The following FAM114A1 variants were observed in gnomAD, a reference collection of about 807,000 sequenced individuals.
FAM114A1 encodes family with sequence similarity 114 member A1, also known as protein NOXP20.
FAM114A1 carries 62 observed loss-of-function variants against 64.3 expected under a neutral mutation model. That is an observed-to-expected ratio of 0.96 (90% CI 0.79 to 1.19). FAM114A1 has a LOEUF of 1.19. Among genes scored for constraint, FAM114A1 ranks in the 50% most tolerant of loss-of-function variants. The pLI is 0.00. For missense variants in FAM114A1, 645 were observed against 676.3 expected, an observed-to-expected ratio of 0.95 and a Z score of 0.51; for synonymous variants, 254 against 251.1, an observed-to-expected ratio of 1.01 and a Z score of -0.11.
At chr4:38,900,288 T>G (rs763928457) in intron 4 of FAM114A1, among the ~76,000 whole-genome samples, 1 of 151,562 alleles carries the variant, frequency 6.6e-6, no homozygotes, top group African/African-American at 2.4e-5. Flanking sequence ...CCTTGTGTGC[T>G]CTTGGTGGGG....
intron 12 of FAM114A1, among the ~76,000 whole-genome samples, chr4:38,932,978 C>T (rs542296475): frequency 2.6e-5 from 4 of 151,988 alleles, no homozygotes; most frequent in South Asian, 2.1e-4. Flanking sequence ...CTCAGCCTCC[C>T]GAGTAGCTGG....
At chr4:38,893,071 A>G (rs1716549822) in intron 4 of FAM114A1, among the ~76,000 whole-genome samples, 2 of 152,254 alleles carry the variant, frequency 1.3e-5, no homozygotes, top group Admixed American at 1.3e-4. Context: ...CCACATATGC[A>G]GATGACAAAT....
intron 13 of FAM114A1, among the ~76,000 whole-genome samples, chr4:38,940,665 T>C (rs1721515029): frequency 6.6e-6 from 1 of 152,160 alleles, no homozygotes. Flanking sequence ...GTGAAAAAGG[T>C]CTCGGTTTCA....
chr4:38,925,497 AT>A (rs1248782615), intron 9 of FAM114A1, among the ~76,000 whole-genome samples: 1 of 152,148 alleles, frequency 6.6e-6, no homozygotes, highest in African/African-American at 2.4e-5. Flanking sequence ...ATTTTCATCC[AT>A]TTTTTTCCTT....
chr4:38,901,423 G>T (rs1442986926), intron 4 of FAM114A1, among the ~76,000 whole-genome samples: 1 of 152,180 alleles, frequency 6.6e-6, no homozygotes, highest in Non-Finnish European at 1.5e-5. Flanking sequence ...AAGTAGCTGG[G>T]ATTACAGGCG....
intron 13 of FAM114A1, among the ~76,000 whole-genome samples, chr4:38,939,886 C>CTTTTTTTT (rs545845095): frequency 2.3e-5 from 3 of 131,666 alleles, no homozygotes; most frequent in Non-Finnish European, 3.2e-5. Context: ...CACTTTCTTT[C>CTTTTTTTT]TTTTTTTTTT....
At chr4:38,868,734 G>A (rs1713718004) in intron 2 of FAM114A1, among the ~76,000 whole-genome samples, 188 bp downstream of exon 2, 2 of 152,150 alleles carry the variant, frequency 1.3e-5, no homozygotes, top group Admixed American at 6.5e-5. Context: ...AACTCCCTGT[G>A]ACCTCAGCCA....
intron 12 of FAM114A1, among the ~76,000 whole-genome samples, chr4:38,935,454 T>G (rs1322579891): frequency 6.6e-6 from 1 of 152,208 alleles, no homozygotes; most frequent in East Asian, 1.9e-4. Context: ...GCACATGATT[T>G]TGATTCTAAA....
chr4:38,884,789 C>T (rs908522621), intron 3 of FAM114A1, among the ~76,000 whole-genome samples: 1 of 152,102 alleles, frequency 6.6e-6, no homozygotes, highest in Non-Finnish European at 1.5e-5. Flanking sequence ...GTCTGGATTT[C>T]AGAGCTAAGG....
intron 8 of FAM114A1, 143 bp from the exon 9 acceptor site, chr4:38,922,627 C>A: frequency 1.0e-6 from 1 of 1,003,942 alleles, no homozygotes; most frequent in Non-Finnish European, 1.4e-6. Flanking sequence ...GCACAGTTAA[C>A]ATGCATCAAG....
At chr4:38,885,137 G>A (rs1263950970) in intron 3 of FAM114A1, among the ~76,000 whole-genome samples, 1 of 152,068 alleles carries the variant, frequency 6.6e-6, no homozygotes, top group African/African-American at 2.4e-5. Context: ...ACCATGCCAA[G>A]CTAATTTTTG....
chr4:38,908,514 C>A, intron 6 of FAM114A1, 78 bp from the exon 7 acceptor site: 3 of 1,369,960 alleles, frequency 2.2e-6, no homozygotes, highest in Non-Finnish European at 3.0e-6. Flanking sequence ...AAGATAGTGC[C>A]AGTTACCTAG....
At chr4:38,887,763 A>G (rs557302561) in intron 3 of FAM114A1, among the ~76,000 whole-genome samples, 16 of 152,370 alleles carry the variant, frequency 1.1e-4, no homozygotes, top group African/African-American at 3.8e-4. Flanking sequence ...ATACTTACCA[A>G]GGAAGAAAAT....
intron 3 of FAM114A1, among the ~76,000 whole-genome samples, chr4:38,881,001 A>G (rs761850864): frequency 6.6e-6 from 1 of 152,154 alleles, no homozygotes; most frequent in Non-Finnish European, 1.5e-5. Context: ...CCTGGCCAAC[A>G]TGGTGAAACC....
intron 3 of FAM114A1, among the ~76,000 whole-genome samples, chr4:38,890,456 G>A (rs1716244276): frequency 1.3e-5 from 2 of 151,112 alleles, no homozygotes; most frequent in African/African-American, 4.9e-5. Flanking sequence ...GATGACTAAT[G>A]GACCAGCTGT....
intron 9 of FAM114A1, among the ~76,000 whole-genome samples, chr4:38,925,834 A>G (rs1044415917): frequency 1.3e-5 from 2 of 152,122 alleles, no homozygotes; most frequent in African/African-American, 4.8e-5. Context: ...AATATTTATT[A>G]TCATCTGTTT....
At chr4:38,934,301 A>G (rs143615938) in intron 12 of FAM114A1, among the ~76,000 whole-genome samples, 65 of 152,232 alleles carry the variant, frequency 4.3e-4, no homozygotes, top group Non-Finnish European at 7.4e-4. Context: ...TGCCTGTACA[A>G]TAAGTGCCTC....
chr4:38,881,440 A>G (rs1489185874), intron 3 of FAM114A1, among the ~76,000 whole-genome samples: 2 of 152,164 alleles, frequency 1.3e-5, no homozygotes, highest in Non-Finnish European at 2.9e-5. Flanking sequence ...ATGGAAGTGC[A>G]AACACTGGCC....
chr4:38,915,058 T>G lies in FAM114A1; in HGVS notation c.930T>G (p.Asn310Lys). The change falls in exon 8 of 15, where the codon AAT becomes AAG. Residue 310 changes from asparagine to lysine, a missense_variant. Transcript: ENST00000358869. ...SHLEALEILSNESESKVQSFL... is the reference protein window; with the variant it reads ...SHLEALEILSKESESKVQSFL... ...TGGAAGCCCTGGAAATTCTGTCCAA[T>G]GAAAGCGAAAGCAAGGTACTTCTGC... 6.2e-7 allele frequency: 1 copy of G among 1,614,118 alleles called. No individual in the cohort carries two copies. The highest frequency in any genetic ancestry group is 1.7e-5 in the Admixed American group (1 of 60,018).
Sources: allele counts gnomAD v4.1 joint callset (sites outside exome capture counted in the v4.1 genomes callset), GRCh38; gene constraint gnomAD v4.1.1; transcripts MANE v1.5; gene names NCBI Gene and HGNC (gene_info 2026-07-23, HGNC 2026-07-21).